GSTA2: variants seen among roughly 807,000 people sequenced by gnomAD.
GSTA2 encodes glutathione S-transferase alpha 2.
GSTA2 carries 27 observed loss-of-function variants against 22.4 expected under a neutral mutation model. The observed-to-expected ratio is 1.21, with a 90% CI of 0.89 to 1.67. The LOEUF is 1.67. Ranked by LOEUF, GSTA2 falls within the 40% of genes most tolerant of loss-of-function variation. The probability of loss-of-function intolerance (pLI) is 0.00; values close to 1 mark genes in which losing one functional copy is unlikely to be tolerated. For synonymous variants in GSTA2, 121 were observed against 86.8 expected (o/e 1.39, Z -2.19); for missense variants, 302 against 260.2 (o/e 1.16, Z -1.11).
rs750201370 is a variant in GSTA2 at position 52,757,935 on chromosome 6, G to T, written c.13C>A (p.Pro5Thr). ...CGTATATTGGAGTAGTGGAGCTTGG[G>T]CTTCTCTGCCATGGTAGCAGTCTCC... MAEK[P>T]KLHYSNIRGR... Residue 5 changes from proline to threonine, a missense_variant, in exon 2 of 7, where the codon CCC (proline) becomes ACC (threonine). Coordinates refer to ENST00000493422, the MANE Select transcript of GSTA2 (RefSeq NM_000846.5). 8.2e-5 allele frequency: 133 copies of T among 1,613,244 alleles called. 1 individual carries two copies. Among genetic ancestry groups the T allele is most frequent in the Non-Finnish European group, 1.1e-4 (124 of 1,179,406 alleles).
intron 6 of GSTA2, 82 bp downstream of exon 6, chr6:52,751,495 A>T: frequency 6.2e-7 from 1 of 1,607,004 alleles, no homozygotes; most frequent in South Asian, 1.1e-5. Context: ...GGGTCAAAAC[A>T]TGCTCAGTCC....
chr6:52,760,257 C>T, intron 1 of GSTA2, among the ~76,000 whole-genome samples: 1 of 152,146 alleles, frequency 6.6e-6, no homozygotes, highest in Non-Finnish European at 1.5e-5. Flanking sequence ...GATCATGTTT[C>T]AAAAGGAAGT....
chr6:52,751,824 T>A, intron 5 of GSTA2, 116 bp from the exon 6 acceptor site: 1 of 1,452,122 alleles, frequency 6.9e-7, no homozygotes, highest in Non-Finnish European at 9.6e-7. Context: ...ACTGCATGGA[T>A]GCAGAAATCC....
At chr6:52,760,776 T>TGA (rs2127290929) in intron 1 of GSTA2, among the ~76,000 whole-genome samples, 1 of 152,310 alleles carries the variant, frequency 6.6e-6, no homozygotes, top group South Asian at 2.1e-4. Context: ...TTCCTCCTGT[T>TGA]AGCAACTTTT....
intron 6 of GSTA2, among the ~76,000 whole-genome samples, chr6:52,750,931 A>G (rs541217316): frequency 3.3e-5 from 5 of 152,344 alleles, no homozygotes; most frequent in African/African-American, 1.2e-4. Flanking sequence ...AGTCATCCCT[A>G]TCTTTCTTCT....
chr6:52,751,765 G>T, intron 5 of GSTA2, 57 bp from the exon 6 acceptor site: 2 of 1,612,846 alleles, frequency 1.2e-6, no homozygotes, highest in Non-Finnish European at 1.7e-6. Context: ...TGGGACCCCT[G>T]CTTCTTTCAG....
Position 52,750,939 on chromosome 6 carries a change from T to C in GSTA2, c.547-240A>G, listed in dbSNP as rs533353100. Among the ~76,000 whole-genome samples the C allele has an allele frequency of 8.5e-5, 13 of 152,310 alleles. No homozygotes were observed. In the South Asian group the frequency reaches 2.7e-3, roughly 32 times the overall value. On this transcript the variant is annotated intron_variant, in intron 6 of 6. Coordinates refer to ENST00000493422, the MANE Select transcript of GSTA2 (RefSeq NM_000846.5). ...TCAGTTCAGTCATCCCTATCTTTCTTCTTACATATTAATCCTATAGATTAG... is the reference window on the plus strand; with the variant it reads ...TCAGTTCAGTCATCCCTATCTTTCTCCTTACATATTAATCCTATAGATTAG...
intron 4 of GSTA2, among the ~76,000 whole-genome samples, chr6:52,753,210 G>A (rs1762778194): frequency 6.6e-6 from 1 of 152,118 alleles, no homozygotes; most frequent in South Asian, 2.1e-4. Context: ...TCTTAAAACA[G>A]CCTATCAAGG....
At chr6:52,759,310 A>C (rs1374011238) in intron 1 of GSTA2, among the ~76,000 whole-genome samples, 1 of 152,154 alleles carries the variant, frequency 6.6e-6, no homozygotes, top group Non-Finnish European at 1.5e-5. Context: ...GGGTGGTGGA[A>C]TGTAGCAGAG....
intron 5 of GSTA2, among the ~76,000 whole-genome samples, 185 bp downstream of exon 5, chr6:52,752,669 G>C (rs757334992): frequency 5.3e-5 from 8 of 152,154 alleles, no homozygotes; most frequent in Non-Finnish European, 8.8e-5. Flanking sequence ...ATTATAGCTT[G>C]GGTATAAGTG....
intron 1 of GSTA2, among the ~76,000 whole-genome samples, 169 bp downstream of exon 1, chr6:52,763,275 G>A (rs1762983086): frequency 6.6e-6 from 1 of 152,076 alleles, no homozygotes; most frequent in African/African-American, 2.4e-5. Flanking sequence ...GTATCCAACA[G>A]AAAAGAAATA....
intron 1 of GSTA2, 95 bp from the exon 2 acceptor site, chr6:52,758,072 A>G (rs763616376): frequency 1.1e-5 from 8 of 713,690 alleles, no homozygotes; most frequent in Admixed American, 2.7e-5. Context: ...AACAATGCTG[A>G]AGAAGAACCT....
chr6:52,752,505 G>T (rs75918261), intron 5 of GSTA2, among the ~76,000 whole-genome samples: 2,344 of 152,210 alleles, frequency 0.015, 62 homozygotes, highest in African/African-American at 0.054. Flanking sequence ...CTTTCATCAT[G>T]CCCCTGTTCA....
intron 5 of GSTA2, among the ~76,000 whole-genome samples, chr6:52,752,242 C>A (rs1230047776): frequency 6.6e-6 from 1 of 152,178 alleles, no homozygotes; most frequent in African/African-American, 2.4e-5. Context: ...CTGAATTCAT[C>A]ATCTTTTTTA....
At chr6:52,761,792 AG>A (rs112011950) in intron 1 of GSTA2, among the ~76,000 whole-genome samples, 4 of 150,478 alleles carry the variant, frequency 2.7e-5, no homozygotes, top group Non-Finnish European at 4.4e-5. Context: ...GCAGAGAGGG[AG>A]GGGGGCTACA....
At chr6:52,760,584 A>G (rs1490678574) in intron 1 of GSTA2, among the ~76,000 whole-genome samples, 1 of 152,186 alleles carries the variant, frequency 6.6e-6, no homozygotes, top group Non-Finnish European at 1.5e-5. Context: ...CTCATGCTGC[A>G]CACGTGGTGA....
intron 2 of GSTA2, among the ~76,000 whole-genome samples, 178 bp downstream of exon 2, chr6:52,757,683 A>G (rs867679510): frequency 3.3e-5 from 5 of 152,240 alleles, no homozygotes; most frequent in Admixed American, 2.6e-4. Flanking sequence ...GTATGCTTTT[A>G]GAGGAGAAGA....
chr6:52,754,301 A>T (rs545953769), intron 4 of GSTA2, among the ~76,000 whole-genome samples: 6 of 152,220 alleles, frequency 3.9e-5, no homozygotes, highest in East Asian at 1.9e-4. Flanking sequence ...AGCTGCCAGC[A>T]GTTTCATTCA....
intron 1 of GSTA2, among the ~76,000 whole-genome samples, chr6:52,762,240 G>C (rs1298956701): frequency 6.6e-6 from 1 of 152,118 alleles, no homozygotes; most frequent in African/African-American, 2.4e-5. Context: ...CCCCCAGCCC[G>C]ACACCCATAA....
Sources: gnomAD v4.1 joint callset for allele counts (sites outside exome capture counted in the v4.1 genomes callset) on GRCh38, gnomAD v4.1.1 for gene constraint, MANE v1.5 for transcripts, NCBI Gene and HGNC (gene_info 2026-07-23, HGNC 2026-07-21) for gene names.